Variants in SLIT2 observed in about 807,000 individuals in gnomAD.
The protein encoded by SLIT2 is slit guidance ligand 2.
SLIT2 carries 41 observed loss-of-function variants against 185.7 expected under a neutral mutation model. The ratio of observed to expected loss-of-function variants is 0.22; its 90% CI spans 0.17 to 0.29. SLIT2 has a LOEUF of 0.29. Among genes scored for constraint, SLIT2 ranks in the 10% least tolerant of loss-of-function variants. The pLI is 1.00. For synonymous variants in SLIT2, 693 were observed against 680.2 expected, an observed-to-expected ratio of 1.02 and a Z score of -0.29; for missense variants, 1,571 against 1,909.0, an observed-to-expected ratio of 0.82 and a Z score of 3.30.
intron 4 of SLIT2, among the ~76,000 whole-genome samples, chr4:20,347,523 A>T (rs1370214012): frequency 6.6e-6 from 1 of 152,168 alleles, no homozygotes; most frequent in African/African-American, 2.4e-5. Context: ...GCATCAGTGT[A>T]TTTCACCAAA....
intron 4 of SLIT2, among the ~76,000 whole-genome samples, chr4:20,458,485 A>G (rs1342295327): frequency 6.6e-6 from 1 of 152,206 alleles, no homozygotes; most frequent in East Asian, 1.9e-4. Context: ...TTAAAAATAT[A>G]GATTCCTGGA....
Position 20,546,031 on chromosome 4 carries a change from G to C in SLIT2, c.2277G>C (p.Leu759Phe). ...GATAATATTGTTCCATTGTTTTTAG[G>C]TATCTGGATGGAAACCAATTTACAC... ...PKGIPRDVTE[L>F]YLDGNQFTLV... Residue 759 changes from leucine to phenylalanine, a missense_variant and splice_region_variant, in exon 22 of 37, where the codon TTG (leucine) becomes TTC (phenylalanine). Transcript: ENST00000504154. 1 of 1,533,320 alleles carries C rather than the reference G, an allele frequency of 6.5e-7. No homozygotes were observed. 95.0% of individuals were successfully genotyped at this position (1,533,320 alleles called of 1,614,324 possible).
intron 4 of SLIT2, among the ~76,000 whole-genome samples, chr4:20,331,617 A>C (rs907203014): frequency 3.9e-5 from 6 of 152,100 alleles, no homozygotes; most frequent in African/African-American, 1.4e-4. Context: ...TAGATTTTTT[A>C]AATAAGAGCT....
chr4:20,514,824 A>G (rs1720060706), intron 11 of SLIT2, among the ~76,000 whole-genome samples: 1 of 151,752 alleles, frequency 6.6e-6, no homozygotes, highest in East Asian at 1.9e-4. Context: ...ATAATGTTAT[A>G]CTAATATATT....
chr4:20,471,400 A>G (rs941512712), intron 5 of SLIT2, among the ~76,000 whole-genome samples: 28 of 152,182 alleles, frequency 1.8e-4, no homozygotes, highest in African/African-American at 6.0e-4. Context: ...TTCCATTAAT[A>G]TTAGCATTAT....
intron 29 of SLIT2, 145 bp from the exon 30 acceptor site, chr4:20,589,499 G>A: frequency 3.1e-6 from 2 of 653,484 alleles, no homozygotes; most frequent in Non-Finnish European, 5.5e-6. Flanking sequence ...TCCATGCCTT[G>A]TGGCTTTTGT....
chr4:20,451,617 T>C (rs552112773), intron 4 of SLIT2, among the ~76,000 whole-genome samples: 1 of 152,346 alleles, frequency 6.6e-6, no homozygotes, highest in South Asian at 2.1e-4. Flanking sequence ...TGTTCAAATA[T>C]GAGCCTTGAA....
chr4:20,566,112 G>A (rs576568226), intron 26 of SLIT2, among the ~76,000 whole-genome samples: 1 of 151,998 alleles, frequency 6.6e-6, no homozygotes, highest in Non-Finnish European at 1.5e-5. Flanking sequence ...TAGCTTTTTG[G>A]TGAAGGCACC....
At chr4:20,365,714 C>T (rs75822624) in intron 4 of SLIT2, among the ~76,000 whole-genome samples, 2,256 of 152,230 alleles carry the variant, frequency 0.015, 53 homozygotes, top group African/African-American at 0.05. Flanking sequence ...AGAACTGTGC[C>T]TGCCACACTG....
intron 3 of SLIT2, among the ~76,000 whole-genome samples, chr4:20,260,954 C>T (rs1447882371): frequency 6.6e-6 from 1 of 151,524 alleles, no homozygotes; most frequent in Non-Finnish European, 1.5e-5. Context: ...TCCCTCCCCT[C>T]TCCTCCATTC....
intron 3 of SLIT2, among the ~76,000 whole-genome samples, chr4:20,264,557 G>A (rs28435228): frequency 0.3 from 45,004 of 151,570 alleles, 6,945 homozygotes; most frequent in Middle Eastern, 0.4. Flanking sequence ...AAGAGACTAT[G>A]ACCTCTGCTA....
At chr4:20,307,620 CT>C (rs1717708941) in intron 4 of SLIT2, among the ~76,000 whole-genome samples, 1 of 152,084 alleles carries the variant, frequency 6.6e-6, no homozygotes, top group African/African-American at 2.4e-5. Flanking sequence ...TGCAGTTACT[CT>C]TTTTGAATCT....
At chr4:20,472,716 T>C (rs1715697054) in intron 5 of SLIT2, among the ~76,000 whole-genome samples, 4 of 143,652 alleles carry the variant, frequency 2.8e-5, no homozygotes, top group South Asian at 4.4e-4. Flanking sequence ...AACAGGGTCA[T>C]GTTACATTGT....
chr4:20,363,642 C>G (rs985556015), intron 4 of SLIT2, among the ~76,000 whole-genome samples: 1 of 151,802 alleles, frequency 6.6e-6, no homozygotes, highest in African/African-American at 2.4e-5. Flanking sequence ...AGGAAGACAC[C>G]CTTCCTCCCC....
chr4:20,283,371 G>A (rs1325183853), intron 4 of SLIT2, among the ~76,000 whole-genome samples: 3 of 152,098 alleles, frequency 2.0e-5, no homozygotes, highest in African/African-American at 4.8e-5. Context: ...TTTATTTTAT[G>A]TACAATTTGG....
chr4:20,464,489 A>G (rs763596638), intron 4 of SLIT2, among the ~76,000 whole-genome samples: 3 of 152,184 alleles, frequency 2.0e-5, no homozygotes, highest in Non-Finnish European at 2.9e-5. Flanking sequence ...ACCTGGTGAT[A>G]TAATTACAGA....
chr4:20,547,476 C>A (rs1723349957), intron 22 of SLIT2, among the ~76,000 whole-genome samples: 1 of 151,906 alleles, frequency 6.6e-6, no homozygotes, highest in Non-Finnish European at 1.5e-5. Context: ...AGGAATAGTT[C>A]TTCAGCAGTT....
At chr4:20,334,595 T>A (rs1045674569) in intron 4 of SLIT2, among the ~76,000 whole-genome samples, 1 of 152,190 alleles carries the variant, frequency 6.6e-6, no homozygotes, top group Non-Finnish European at 1.5e-5. Context: ...AAATCATTTC[T>A]GTTTTGTCTG....
intron 4 of SLIT2, among the ~76,000 whole-genome samples, chr4:20,315,028 A>G (rs535657273): frequency 2.3e-5 from 3 of 127,774 alleles, no homozygotes; most frequent in African/African-American, 7.8e-5. Context: ...AATTATTATA[A>G]TTAAAAATTA....
Sources: allele counts gnomAD v4.1 joint callset (sites outside exome capture counted in the v4.1 genomes callset), GRCh38; gene constraint gnomAD v4.1.1; transcripts MANE v1.5; gene names NCBI Gene and HGNC (gene_info 2026-07-23, HGNC 2026-07-21).